The following VAC14 variants were observed in gnomAD, a reference collection of about 807,000 sequenced individuals.
The protein encoded by VAC14 is protein VAC14 homolog.
Under a neutral mutation model 85.3 loss-of-function variants are expected in VAC14, and 47 were observed. That is an observed-to-expected ratio of 0.55 (90% CI 0.44 to 0.70). The LOEUF is 0.70. Among genes scored for constraint, VAC14 ranks in the 30% least tolerant of loss-of-function variants. The probability of loss-of-function intolerance (pLI) is 0.00; values close to 1 mark genes in which losing one functional copy is unlikely to be tolerated. For synonymous variants in VAC14, 447 were observed against 430.5 expected (o/e 1.04, Z -0.47); for missense variants, 861 against 1,004.3 (o/e 0.86, Z 1.93).
intron 12 of VAC14, among the ~76,000 whole-genome samples, chr16:70,749,831 G>A (rs1189269392): frequency 6.6e-6 from 1 of 152,228 alleles, no homozygotes; most frequent in African/African-American, 2.4e-5. Context: ...AGGCTCTGGA[G>A]CACCAATCTC....
chr16:70,770,266 C>T (rs1388459997), intron 10 of VAC14: 3 of 152,330 alleles, frequency 2.0e-5, no homozygotes, highest in African/African-American at 4.8e-5. Flanking sequence ...TGGTTCTCAA[C>T]ACAGAGCTCA....
chr16:70,703,308 G>C (rs1160648710), intron 14 of VAC14, among the ~76,000 whole-genome samples: 1 of 152,236 alleles, frequency 6.6e-6, no homozygotes, highest in Non-Finnish European at 1.5e-5. Flanking sequence ...GAATGTGCTT[G>C]GAAACAAGGC....
chr16:70,708,094 C>CAAA (rs1417697075), intron 14 of VAC14, among the ~76,000 whole-genome samples: 1 of 152,144 alleles, frequency 6.6e-6, no homozygotes, highest in Non-Finnish European at 1.5e-5. Flanking sequence ...CTGCCTTGGC[C>CAAA]TTATTTTCCA....
At chr16:70,779,152 G>C (rs371483296) in intron 9 of VAC14, 1 of 152,252 alleles carries the variant, frequency 6.6e-6, no homozygotes, top group African/African-American at 2.4e-5. Flanking sequence ...TTGTTGCTCT[G>C]ATTCACAGTG....
intron 7 of VAC14, 29 bp from the exon 8 acceptor site, chr16:70,782,032 G>T: frequency 6.2e-7 from 1 of 1,608,274 alleles, no homozygotes; most frequent in Non-Finnish European, 8.5e-7. Context: ...GGTTCAGAGG[G>T]GCCAGCACAC....
At chr16:70,774,354 C>A (rs1317843246) in intron 9 of VAC14, among the ~76,000 whole-genome samples, 1 of 152,106 alleles carries the variant, frequency 6.6e-6, no homozygotes. Flanking sequence ...TAGGGAGTTG[C>A]GCATCATTGG....
At chr16:70,691,598 C>A in intron 18 of VAC14, 3 of 985,484 alleles carry the variant, frequency 3.0e-6, no homozygotes, top group Non-Finnish European at 3.6e-6. Context: ...CCTGGCAGCA[C>A]CCTGAGCAGC....
At chr16:70,723,388 A>G (rs2054344223) in intron 14 of VAC14, among the ~76,000 whole-genome samples, 1 of 151,266 alleles carries the variant, frequency 6.6e-6, no homozygotes, top group African/African-American at 2.4e-5. Context: ...GTGCCACTGC[A>G]CTCCACATAG....
chr16:70,761,937 G>A (rs16970520), intron 12 of VAC14, among the ~76,000 whole-genome samples: 2,876 of 152,248 alleles, frequency 0.019, 90 homozygotes, highest in African/African-American at 0.064. Context: ...TCATTGAACA[G>A]AGGAAAACTG....
At chr16:70,763,052 A>T in intron 10 of VAC14, 27 bp from the exon 11 acceptor site, 10 of 1,613,912 alleles carry the variant, frequency 6.2e-6, no homozygotes, top group Non-Finnish European at 8.5e-6. Context: ...GAGGGAGAGC[A>T]GAGGTGAAGC....
At position 70,698,569 on chromosome 16, in the gene VAC14, G is replaced by C. The variant is rs938255813; in HGVS notation, c.1836+68C>G. On this transcript the variant is annotated intron_variant, in intron 15 of 18. Transcript: ENST00000261776. ...GCCTCCTGGGGCCAGCCGAGGGGCG[G>C]GCTCACACAGGGTGTGCCCCCTGGC... 4 of 1,585,070 alleles carry C rather than the reference G, an allele frequency of 2.5e-6. No individual in the cohort carries two copies. In the African/African-American group the frequency reaches 5.4e-5, roughly 21 times the overall value.
chr16:70,764,024 GCCAGCAGATCAGTC>G (rs1315257116), intron 10 of VAC14, among the ~76,000 whole-genome samples: 1 of 152,174 alleles, frequency 6.6e-6, no homozygotes, highest in Non-Finnish European at 1.5e-5. Flanking sequence ...AAGGACCTGG[GCCAGCAGATCAGTC>G]CCCTGCCGGT....
chr16:70,703,014 G>A (rs1281438387), intron 14 of VAC14, among the ~76,000 whole-genome samples: 10 of 152,242 alleles, frequency 6.6e-5, no homozygotes, highest in African/African-American at 2.4e-4. Context: ...AGACCTAGAA[G>A]AATCGACTTC....
intron 1 of VAC14, among the ~76,000 whole-genome samples, chr16:70,790,644 G>C (rs1391448432): frequency 6.6e-6 from 1 of 152,136 alleles, no homozygotes; most frequent in South Asian, 2.1e-4. Context: ...GAGGCAAGGG[G>C]GATTTCTGTG....
At chr16:70,688,213 T>G in intron 18 of VAC14, 123 bp from the exon 19 acceptor site, 3 of 1,330,388 alleles carry the variant, frequency 2.3e-6, no homozygotes, top group Non-Finnish European at 2.9e-6. Flanking sequence ...GGCGTCTGTC[T>G]CAGGCCTGGC....
intron 12 of VAC14, chr16:70,756,113 A>C (rs923233242): frequency 2.2e-6 from 1 of 456,746 alleles, no homozygotes; most frequent in Non-Finnish European, 4.4e-6. Flanking sequence ...TGTGGACCGG[A>C]TGGCATGAGG....
At chr16:70,692,671 C>A (rs747988546) in intron 18 of VAC14, 150 bp downstream of exon 18, 1 of 1,040,380 alleles carries the variant, frequency 9.6e-7, no homozygotes, top group African/African-American at 1.6e-5. Flanking sequence ...CAAGTGGCTG[C>A]GGGGGGGATG....
rs1375064905 is a variant in VAC14 at position 70,762,794 on chromosome 16, A to G, written c.1305+87T>C. 6.3e-7 allele frequency: 1 copy of G among 1,594,966 alleles called. No individual in the cohort carries two copies. The highest frequency in any genetic ancestry group is 1.7e-5 in the Admixed American group (1 of 58,436). On this transcript the variant is annotated intron_variant, in intron 11 of 18. Transcript: ENST00000261776. This position sits in a 1 kb window ranked among gnomAD's most constrained non-coding sequence, Gnocchi z 4.1. ...CCAGGGTTTCCCTAGAAGGGCAATGACCAAAATGCTACCAACTATGGGCAG... is the reference window on the plus strand; with the variant it reads ...CCAGGGTTTCCCTAGAAGGGCAATGGCCAAAATGCTACCAACTATGGGCAG...
rs1327131314 is a variant in VAC14, at chr16:70,786,196, C to T, written c.255+19G>A. 3 of 1,612,500 alleles carry T rather than the reference C, an allele frequency of 1.9e-6. No individual in the cohort carries two copies. In the Admixed American group the frequency reaches 5.0e-5, roughly 27 times the overall value. On this transcript the variant is annotated intron_variant, in intron 2 of 18. Coordinates refer to ENST00000261776, the MANE Select transcript of VAC14 (RefSeq NM_018052.5). Reference sequence around the variant, plus strand: ...CAAGGCCAGGACTGGTATGTCTGTCCCTTGGGTGAAAGGCCCACCTTGCCC... The same window carrying T: ...CAAGGCCAGGACTGGTATGTCTGTCTCTTGGGTGAAAGGCCCACCTTGCCC...
Sources: allele counts gnomAD v4.1 joint callset (sites outside exome capture counted in the v4.1 genomes callset), GRCh38; gene constraint gnomAD v4.1.1; non-coding constraint Gnocchi (gnomAD v3.1); transcripts MANE v1.5; gene names NCBI Gene and HGNC (gene_info 2026-07-23, HGNC 2026-07-21).